Variants in SLC24A2 observed in about 807,000 individuals in gnomAD.
The protein encoded by SLC24A2 is sodium/potassium/calcium exchanger 2.
SLC24A2 carries 36 observed loss-of-function variants against 62.0 expected under a neutral mutation model. The ratio of observed to expected loss-of-function variants is 0.58; its 90% confidence interval spans 0.44 to 0.77. The LOEUF (loss-of-function observed/expected upper bound fraction) is 0.77. Among genes scored for constraint, SLC24A2 ranks in the 30% least tolerant of loss-of-function variants. SLC24A2 has a pLI of 0.00. For synonymous variants in SLC24A2, 358 were observed against 294.0 expected (o/e 1.22, Z -2.23); for missense variants, 846 against 817.9 (o/e 1.03, Z -0.42).
intron 4 of SLC24A2, among the ~76,000 whole-genome samples, chr9:19,610,383 CATCTT>C (rs1281450205): frequency 1.4e-4 from 22 of 152,120 alleles, no homozygotes; most frequent in African/African-American, 5.3e-4. Flanking sequence ...AAACAATAAA[CATCTT>C]AGCTTCTTGT....
chr9:19,739,486 C>A (rs1478773592), intron 2 of SLC24A2, among the ~76,000 whole-genome samples: 2 of 152,070 alleles, frequency 1.3e-5, no homozygotes, highest in African/African-American at 4.8e-5. Flanking sequence ...GAAGGACATA[C>A]AAACAGAGAA....
Position 19,636,327 on chromosome 9 carries a change from C to CTTTCTTTCTTTCTTTCTTTCT in SLC24A2, c.931-14049_931-14029dup, listed in dbSNP as rs1818337424. Among the ~76,000 whole-genome samples, 4 of 20,738 alleles carry CTTTCTTTCTTTCTTTCTTTCT rather than the reference C, an allele frequency of 1.9e-4. 1 individual carries two copies. Among genetic ancestry groups the CTTTCTTTCTTTCTTTCTTTCT allele is most frequent in the Non-Finnish European group, 3.0e-4 (3 of 10,036 alleles). 13.6% of individuals were successfully genotyped at this position (20,738 alleles called of 152,430 possible). A position where few individuals can be genotyped will look rare whatever the true frequency, so the allele number is the denominator to read the frequency against. ...TTCTTTTCTTTTCTTTTCTTTCTTT[C>CTTTCTTTCTTTCTTTCTTTCT]TTTCTTTCTTTCTTTCTTTCTTTCT... On this transcript the variant is annotated intron_variant, in intron 2 of 10. Transcript: ENST00000341998.
At chr9:20,134,434 A>C in the SLC24A2 span, among the ~76,000 whole-genome samples, 1 of 152,182 alleles carries the variant, frequency 6.6e-6, no homozygotes, top group African/African-American at 2.4e-5. Context: ...CACAGAGGCC[A>C]GGGCAACTGG....
the SLC24A2 span, among the ~76,000 whole-genome samples, chr9:19,950,999 A>G: frequency 6.6e-6 from 1 of 152,188 alleles, no homozygotes; most frequent in Non-Finnish European, 1.5e-5. Flanking sequence ...GGTTCTACCA[A>G]CTGTAGAGCT....
the SLC24A2 span, among the ~76,000 whole-genome samples, chr9:20,290,345 A>C: frequency 6.6e-6 from 1 of 152,228 alleles, no homozygotes; most frequent in Non-Finnish European, 1.5e-5. Context: ...TGAGGAGCCC[A>C]CAGCTGTTCT....
At chr9:19,961,116 AAGG>A in the SLC24A2 span, among the ~76,000 whole-genome samples, 1 of 136,954 alleles carries the variant, frequency 7.3e-6, no homozygotes, top group African/African-American at 2.7e-5. Flanking sequence ...AGACAGAAGA[AAGG>A]AGAGAGAGAC....
chr9:19,893,877 G>C, the SLC24A2 span, among the ~76,000 whole-genome samples: 23 of 152,320 alleles, frequency 1.5e-4, no homozygotes, highest in Middle Eastern at 3.4e-3. Flanking sequence ...GGTTCTGTCT[G>C]ATGGTCCAAG....
At chr9:19,559,091 T>TAC (rs1012432382) in intron 7 of SLC24A2, among the ~76,000 whole-genome samples, 4 of 152,230 alleles carry the variant, frequency 2.6e-5, no homozygotes, top group African/African-American at 9.6e-5. Flanking sequence ...GGAAGGCACT[T>TAC]ACAAGAGTAT....
At chr9:20,164,160 C>T in the SLC24A2 span, among the ~76,000 whole-genome samples, 1 of 152,118 alleles carries the variant, frequency 6.6e-6, no homozygotes, top group African/African-American at 2.4e-5. Flanking sequence ...AGACCTTCTG[C>T]ACAGCAAAAG....
the SLC24A2 span, among the ~76,000 whole-genome samples, chr9:20,046,120 T>C: frequency 2.6e-5 from 4 of 152,220 alleles, no homozygotes; most frequent in Admixed American, 6.5e-5. Context: ...TTGTTTCATC[T>C]GTAAGTTATC....
At chr9:20,169,838 T>C in the SLC24A2 span, among the ~76,000 whole-genome samples, 1 of 151,852 alleles carries the variant, frequency 6.6e-6, no homozygotes, top group Non-Finnish European at 1.5e-5. Flanking sequence ...AAGAAATCCC[T>C]GATTTACCTG....
the SLC24A2 span, among the ~76,000 whole-genome samples, chr9:20,019,083 G>GAAAGAAAGAA: frequency 3.8e-5 from 4 of 105,966 alleles, no homozygotes; most frequent in African/African-American, 1.4e-4. Flanking sequence ...CAGAGAAAGA[G>GAAAGAAAGAA]AGAAAGAAAG....
the SLC24A2 span, among the ~76,000 whole-genome samples, chr9:19,918,481 C>T: frequency 6.6e-4 from 101 of 152,180 alleles, no homozygotes; most frequent in Admixed American, 1.2e-3. Context: ...CAGGTTCCCC[C>T]TCTTGCTCCC....
At chr9:20,295,258 C>A in the SLC24A2 span, among the ~76,000 whole-genome samples, 1 of 152,060 alleles carries the variant, frequency 6.6e-6, no homozygotes, top group South Asian at 2.1e-4. Context: ...ATGTTGAAAT[C>A]TTGAAAGCAG....
At chr9:19,651,557 C>T (rs1818801803) in intron 2 of SLC24A2, among the ~76,000 whole-genome samples, 1 of 126,112 alleles carries the variant, frequency 7.9e-6, no homozygotes, top group Non-Finnish European at 1.7e-5. Flanking sequence ...CCCCCACGCC[C>T]ACCATCATCA....
At chr9:20,188,395 C>T in the SLC24A2 span, among the ~76,000 whole-genome samples, 3 of 152,126 alleles carry the variant, frequency 2.0e-5, no homozygotes, top group African/African-American at 7.2e-5. Flanking sequence ...CTCCAAGTAA[C>T]ACTTTAGGGA....
intron 5 of SLC24A2, among the ~76,000 whole-genome samples, chr9:19,583,673 G>C (rs886925544): frequency 6.6e-6 from 1 of 152,172 alleles, no homozygotes; most frequent in African/African-American, 2.4e-5. Flanking sequence ...GGAACTGAGT[G>C]TCTACCTATG....
intron 8 of SLC24A2, among the ~76,000 whole-genome samples, chr9:19,549,135 G>A (rs1357757371): frequency 6.6e-6 from 1 of 152,168 alleles, no homozygotes; most frequent in Non-Finnish European, 1.5e-5. Flanking sequence ...GATAATGGTA[G>A]ATAATAAAAT....
chr9:19,821,951 A>G, the SLC24A2 span, among the ~76,000 whole-genome samples: 1 of 152,142 alleles, frequency 6.6e-6, no homozygotes, highest in African/African-American at 2.4e-5. Context: ...TGTGATATCA[A>G]TTTTATGAAA....
Sources: gnomAD v4.1 joint callset for allele counts (sites outside exome capture counted in the v4.1 genomes callset) on GRCh38, gnomAD v4.1.1 for gene constraint, MANE v1.5 for transcripts, NCBI Gene and HGNC (gene_info 2026-07-23, HGNC 2026-07-21) for gene names.